AGBL1: variants seen among roughly 807,000 people sequenced by gnomAD.
AGBL1 encodes the protein cytosolic carboxypeptidase 4.
A neutral mutation model predicts 118.9 loss-of-function variants in AGBL1; 130 were observed. The observed-to-expected ratio is 1.09, with a 90% confidence interval of 0.95 to 1.26. The LOEUF (loss-of-function observed/expected upper bound fraction) is 1.26. AGBL1 is among the 50% of genes most tolerant of loss of function. AGBL1 has a pLI of 0.00. For synonymous variants in AGBL1, 555 were observed against 478.9 expected (o/e 1.16, Z -2.08); for missense variants, 1,584 against 1,298.1 (o/e 1.22, Z -3.38).
chr15:86,614,578 T>G (rs771609041), intron 21 of AGBL1, among the ~76,000 whole-genome samples: 2 of 152,176 alleles, frequency 1.3e-5, no homozygotes, highest in Non-Finnish European at 2.9e-5. Context: ...CCAATCCCTC[T>G]GGTGTAAATA....
intron 21 of AGBL1, among the ~76,000 whole-genome samples, chr15:86,654,702 G>C (rs79428239): frequency 6.6e-6 from 1 of 151,968 alleles, no homozygotes; most frequent in African/African-American, 2.4e-5. Context: ...AGGTGTCACC[G>C]ATGCTCTCCT....
intron 18 of AGBL1, among the ~76,000 whole-genome samples, chr15:86,462,552 A>T (rs534944572): frequency 2.6e-5 from 4 of 152,198 alleles, no homozygotes; most frequent in African/African-American, 7.2e-5. Context: ...CGTCATCTAC[A>T]TTAGGTATTT....
At position 86,907,220 on chromosome 15, in the gene AGBL1, G is replaced by A. The variant is rs530866088; in HGVS notation, c.3292G>A (p.Glu1098Lys). 1.3e-5 allele frequency: 2 copies of A among 152,306 alleles called. No homozygotes were observed. The highest frequency in any genetic ancestry group is 2.4e-5 in the African/African-American group (1 of 41,430). The allele number at this position is 152,306 out of a possible 1,614,324, so 9.4% of individuals were successfully genotyped here. Reference sequence around the variant, plus strand: ...GTCTGAGCTGGACCGGAGGATCCAGGAGTGTGCCTTCAATAAGTTTGAGGG... The same window carrying A: ...GTCTGAGCTGGACCGGAGGATCCAGAAGTGTGCCTTCAATAAGTTTGAGGG... Reference protein sequence around the residue: ...SLSELDRRIQECAFNKFEGEE... With the variant: ...SLSELDRRIQKCAFNKFEGEE... Residue 1098 changes from glutamate to lysine, a missense_variant, in exon 23 of 23, where the codon GAG becomes AAG. By Grantham distance (56) the Glu-to-Lys change is moderately conservative. Coordinates refer to ENST00000614907, the MANE Select transcript of AGBL1 (RefSeq NM_001386094.1).
At chr15:86,958,157 A>G (rs1018028799) in intron 23 of AGBL1, among the ~76,000 whole-genome samples, 28 of 150,026 alleles carry the variant, frequency 1.9e-4, no homozygotes, top group African/African-American at 4.4e-4. Context: ...GTAAGCTATG[A>G]TTGTGCCACT....
intron 18 of AGBL1, among the ~76,000 whole-genome samples, chr15:86,515,029 C>T (rs932152349): frequency 3.6e-4 from 55 of 152,148 alleles, no homozygotes; most frequent in African/African-American, 1.3e-3. Flanking sequence ...AACTACTCTC[C>T]TTTATGGAAA....
At chr15:86,653,552 A>G (rs965887089) in intron 21 of AGBL1, among the ~76,000 whole-genome samples, 2 of 152,164 alleles carry the variant, frequency 1.3e-5, no homozygotes, top group Admixed American at 6.6e-5. Flanking sequence ...TAAACCGTGC[A>G]CTTGAGCCCT....
At position 86,571,477 on chromosome 15, in the gene AGBL1, G is replaced by C. The variant is rs184722487; in HGVS notation, c.2994+16940G>C. 4.1e-4 allele frequency among the ~76,000 whole-genome samples: 62 copies of C among 152,280 alleles called. 1 individual carries two copies. Among genetic ancestry groups the C allele is most frequent in the African/African-American group, 1.5e-3 (61 of 41,560 alleles). ...CTCCATAGTCAGGGTGTCCCAACAA[G>C]TGTGCAGCTCTTAGTAGAGAGGGTA... On this transcript the variant is annotated intron_variant, in intron 21 of 22. Transcript: ENST00000614907.
downstream of AGBL1, among the ~76,000 whole-genome samples, chr15:86,919,573 GACACACACACACAC>G (rs376501612): frequency 1.1e-4 from 14 of 128,850 alleles, no homozygotes; most frequent in East Asian, 9.1e-4. Flanking sequence ...TCCCTGTTGA[GACACACACACACAC>G]ACACACACAC....
intron 15 of AGBL1, among the ~76,000 whole-genome samples, chr15:86,273,428 T>C (rs1308061741): frequency 1.3e-5 from 2 of 152,244 alleles, no homozygotes; most frequent in African/African-American, 2.4e-5. Flanking sequence ...CATTGTAATG[T>C]AGTTTGTTTT....
intron 6 of AGBL1, among the ~76,000 whole-genome samples, chr15:86,228,438 A>C (rs1166003112): frequency 6.6e-6 from 1 of 152,176 alleles, no homozygotes; most frequent in Non-Finnish European, 1.5e-5. Flanking sequence ...ATTGCATCCC[A>C]AAAAGGAAAT....
chr15:86,624,561 G>A (rs900545072), intron 21 of AGBL1, among the ~76,000 whole-genome samples: 14 of 152,238 alleles, frequency 9.2e-5, no homozygotes, highest in East Asian at 7.7e-4. Flanking sequence ...CTCAATTAAG[G>A]CCCAAAAGGC....
chr15:86,644,866 A>AAAT (rs2085251730), intron 21 of AGBL1, among the ~76,000 whole-genome samples: 1 of 149,014 alleles, frequency 6.7e-6, no homozygotes. Context: ...AAAAAAAAAA[A>AAAT]AAAAAATAGC....
At chr15:86,588,315 C>G (rs1596293405) in intron 21 of AGBL1, among the ~76,000 whole-genome samples, 1 of 152,172 alleles carries the variant, frequency 6.6e-6, no homozygotes, top group East Asian at 1.9e-4. Context: ...CAAAGACCCT[C>G]TTACACAGTT....
chr15:87,026,437 A>G (rs936967782), intron 24 of AGBL1, among the ~76,000 whole-genome samples: 3 of 152,096 alleles, frequency 2.0e-5, no homozygotes, highest in African/African-American at 7.2e-5. Context: ...AATCAAAACC[A>G]CAATACACTG....
intron 18 of AGBL1, among the ~76,000 whole-genome samples, chr15:86,477,784 G>T (rs2082583788): frequency 6.6e-6 from 1 of 152,236 alleles, no homozygotes; most frequent in South Asian, 2.1e-4. Context: ...AACAAAAAAA[G>T]AGAATTTTAG....
intron 24 of AGBL1, among the ~76,000 whole-genome samples, chr15:87,003,008 C>A (rs1270182073): frequency 6.6e-6 from 1 of 152,162 alleles, no homozygotes; most frequent in Non-Finnish European, 1.5e-5. Context: ...GAACTTCCAA[C>A]ACTATGTTGA....
intron 17 of AGBL1, among the ~76,000 whole-genome samples, chr15:86,387,955 G>A (rs1303960179): frequency 6.6e-6 from 1 of 152,186 alleles, no homozygotes; most frequent in Non-Finnish European, 1.5e-5. Flanking sequence ...GCAAAGTTCT[G>A]GGAGGGACAG....
intron 22 of AGBL1, among the ~76,000 whole-genome samples, chr15:86,845,815 T>C (rs2079309575): frequency 6.6e-6 from 1 of 152,232 alleles, no homozygotes; most frequent in African/African-American, 2.4e-5. Flanking sequence ...TTGTGTTTGG[T>C]AAATCTGGTA....
chr15:86,234,550 C>CAAAAA (rs397854519), intron 6 of AGBL1, among the ~76,000 whole-genome samples: 2 of 76,302 alleles, frequency 2.6e-5, no homozygotes, highest in African/African-American at 1.0e-4. Context: ...GACTCTATCT[C>CAAAAA]AAAAAAAAAA....
Sources: gnomAD v4.1 joint callset for allele counts (sites outside exome capture counted in the v4.1 genomes callset) on GRCh38, gnomAD v4.1.1 for gene constraint, MANE v1.5 for transcripts, NCBI Gene and HGNC (gene_info 2026-07-23, HGNC 2026-07-21) for gene names.